Variants in KHDRBS3 observed in about 807,000 individuals in gnomAD.
KHDRBS3 encodes KH domain-containing, RNA-binding, signal transduction-associated protein 3.
A neutral mutation model predicts 45.6 loss-of-function variants in KHDRBS3; 23 were observed. That is an observed-to-expected ratio of 0.50 (90% CI 0.36 to 0.72). The LOEUF (loss-of-function observed/expected upper bound fraction) is 0.72, where lower values mean the gene tolerates loss of function less well. KHDRBS3 is among the 30% of genes least tolerant of loss of function. KHDRBS3 has a pLI of 0.00. For missense variants in KHDRBS3, 352 were observed against 424.8 expected (o/e 0.83, Z 1.51); for synonymous variants, 162 against 156.5 (o/e 1.04, Z -0.26).
At chr8:135,650,745 C>T (rs1831412589), downstream of KHDRBS3, among the ~76,000 whole-genome samples, 1 of 152,090 alleles carries the variant, frequency 6.6e-6, no homozygotes, top group African/African-American at 2.4e-5. Context: ...ACCTTGTATC[C>T]CAGAGAGTAT....
chr8:135,612,502 T>G (rs1208291964), intron 7 of KHDRBS3, among the ~76,000 whole-genome samples: 1 of 151,882 alleles, frequency 6.6e-6, no homozygotes, highest in Admixed American at 6.6e-5. Flanking sequence ...GAGCACCCAG[T>G]TTTCAGATGC....
intron 3 of KHDRBS3, among the ~76,000 whole-genome samples, chr8:135,547,353 CTG>C (rs1331336214): frequency 6.6e-6 from 1 of 152,124 alleles, no homozygotes; most frequent in Non-Finnish European, 1.5e-5. Context: ...AGTATATACA[CTG>C]TCTCCTTTCG....
At chr8:135,513,492 T>C (rs1157476278) in intron 1 of KHDRBS3, among the ~76,000 whole-genome samples, 2 of 152,222 alleles carry the variant, frequency 1.3e-5, no homozygotes, top group African/African-American at 2.4e-5. Flanking sequence ...AGCCATATAA[T>C]TAAGTACCAT....
chr8:135,602,248 C>T (rs947501804), intron 6 of KHDRBS3, among the ~76,000 whole-genome samples: 1 of 152,292 alleles, frequency 6.6e-6, no homozygotes, highest in Middle Eastern at 3.4e-3. Flanking sequence ...CTCCTTTTCT[C>T]CTATTGCACC....
At chr8:135,603,928 G>A (rs998148537) in intron 6 of KHDRBS3, among the ~76,000 whole-genome samples, 1 of 129,680 alleles carries the variant, frequency 7.7e-6, no homozygotes, top group African/African-American at 2.9e-5. Context: ...TAATTGATTT[G>A]TATTGTTGTT....
At chr8:135,580,085 G>T (rs1828129896) in intron 5 of KHDRBS3, among the ~76,000 whole-genome samples, 1 of 152,178 alleles carries the variant, frequency 6.6e-6, no homozygotes, top group Non-Finnish European at 1.5e-5. Flanking sequence ...GCCAGTTGTA[G>T]CCTCTGAGGG....
intron 2 of KHDRBS3, among the ~76,000 whole-genome samples, chr8:135,537,081 A>G (rs183087660): frequency 3.9e-4 from 59 of 150,852 alleles, no homozygotes; most frequent in Middle Eastern, 3.4e-3. Flanking sequence ...TTCATGTTGG[A>G]GAGATAAAGC....
chr8:135,653,144 A>C (rs1831463994), intron 4 of KHDRBS3, among the ~76,000 whole-genome samples: 1 of 152,178 alleles, frequency 6.6e-6, no homozygotes, highest in Non-Finnish European at 1.5e-5. Flanking sequence ...AACAGGTACC[A>C]TTGTGAAGTG....
At chr8:135,486,864 A>G (rs1172883061) in intron 1 of KHDRBS3, among the ~76,000 whole-genome samples, 1 of 152,236 alleles carries the variant, frequency 6.6e-6, no homozygotes, top group Non-Finnish European at 1.5e-5. Flanking sequence ...GCACACAAAT[A>G]CTTATTTTAA....
At chr8:135,461,288 A>G (rs1821417692) in intron 1 of KHDRBS3, among the ~76,000 whole-genome samples, 1 of 152,094 alleles carries the variant, frequency 6.6e-6, no homozygotes, top group Non-Finnish European at 1.5e-5. Context: ...TATTTTTAGT[A>G]GAGACGGGGT....
chr8:135,499,825 A>G (rs1431889909), intron 1 of KHDRBS3, among the ~76,000 whole-genome samples: 2 of 152,178 alleles, frequency 1.3e-5, no homozygotes, highest in South Asian at 2.1e-4. Context: ...AATGAAAACT[A>G]TTTTTAAGCA....
At chr8:135,604,773 T>TA (rs112518456) in intron 6 of KHDRBS3, among the ~76,000 whole-genome samples, 29 of 151,002 alleles carry the variant, frequency 1.9e-4, no homozygotes, top group South Asian at 1.5e-3. Context: ...GAGTTACAAA[T>TA]AAAAAAAAAG....
intron 2 of KHDRBS3, chr8:135,539,036 C>G (rs2130757204): frequency 6.6e-6 from 1 of 152,260 alleles, no homozygotes; most frequent in Non-Finnish European, 1.5e-5. Flanking sequence ...GAGCTTTAAG[C>G]CTAAGAAATT....
chr8:135,625,125 T>C, intron 7 of KHDRBS3: 1 of 975,718 alleles, frequency 1.0e-6, no homozygotes, highest in Non-Finnish European at 1.6e-6. Context: ...GGGAGTATTT[T>C]ACAGTTAAGC....
intron 1 of KHDRBS3, among the ~76,000 whole-genome samples, chr8:135,520,936 G>A (rs1824873476): frequency 6.6e-6 from 1 of 152,058 alleles, no homozygotes; most frequent in Non-Finnish European, 1.5e-5. Flanking sequence ...TATTTGATCA[G>A]CCTTATCTAG....
At chr8:135,608,886 T>C (rs1291401310) in intron 7 of KHDRBS3, among the ~76,000 whole-genome samples, 4 of 152,166 alleles carry the variant, frequency 2.6e-5, no homozygotes, top group Non-Finnish European at 5.9e-5. Flanking sequence ...TATCTAAACA[T>C]GTATAAACAG....
rs1826096825 is a variant in KHDRBS3 at position 135,542,576 on chromosome 8, C to A, written c.208-78C>A. 4.5e-6 allele frequency: 4 copies of A among 879,288 alleles called. No individual in the cohort carries two copies. The South Asian group carries it at 5.6e-5, about 12-fold the overall frequency. The allele number at this position is 879,288 out of a possible 1,614,324, so 54.5% of individuals were successfully genotyped here. Reference sequence around the variant, plus strand: ...TTAATCAATGATGTGTAGCACACTACAGTGTTTCTTAACATTCAAGATTAA... The same window carrying A: ...TTAATCAATGATGTGTAGCACACTAAAGTGTTTCTTAACATTCAAGATTAA... On this transcript the variant is annotated intron_variant, in intron 2 of 8. Transcript: ENST00000355849.
downstream of KHDRBS3, among the ~76,000 whole-genome samples, chr8:135,650,512 T>C (rs1563833044): frequency 6.6e-6 from 1 of 152,360 alleles, no homozygotes; most frequent in Admixed American, 6.5e-5. Context: ...TAAGAAGGTA[T>C]CATCTACATT....
intron 2 of KHDRBS3, among the ~76,000 whole-genome samples, chr8:135,526,030 G>A (rs1411037656): frequency 6.6e-6 from 1 of 152,090 alleles, no homozygotes; most frequent in Non-Finnish European, 1.5e-5. Flanking sequence ...ACCATTGTGT[G>A]ACAATTGCTT....
Sources: allele counts gnomAD v4.1 joint callset (sites outside exome capture counted in the v4.1 genomes callset), GRCh38; gene constraint gnomAD v4.1.1; transcripts MANE v1.5; gene names NCBI Gene and HGNC (gene_info 2026-07-23, HGNC 2026-07-21).